LCORL: variants seen among roughly 807,000 people sequenced by gnomAD.
The protein encoded by LCORL is ligand-dependent nuclear receptor corepressor-like protein.
A neutral mutation model predicts 141.8 loss-of-function variants in LCORL; 41 were observed. That is an observed-to-expected ratio of 0.29 (90% CI 0.23 to 0.38). LCORL has a LOEUF of 0.38. LCORL is among the 10% of genes least tolerant of loss of function. The pLI is 1.00. For missense variants in LCORL, 1,759 were observed against 2,035.0 expected (o/e 0.86, Z 2.61); for synonymous variants, 618 against 694.1 (o/e 0.89, Z 1.72).
intron 1 of LCORL, among the ~76,000 whole-genome samples, chr4:17,980,483 C>T (rs1425569095): frequency 2.0e-5 from 3 of 152,134 alleles, no homozygotes; most frequent in Non-Finnish European, 4.4e-5. Context: ...AATTGTGATC[C>T]TCTTGTTTAA....
intron 1 of LCORL, among the ~76,000 whole-genome samples, chr4:17,981,800 G>A (rs1457741068): frequency 6.6e-6 from 1 of 151,922 alleles, no homozygotes; most frequent in African/African-American, 2.4e-5. Flanking sequence ...TGTTACATAG[G>A]CAAACTGATG....
chr4:17,842,114 T>G, exon 8 of LCORL: 1 of 516,466 alleles, frequency 1.9e-6, no homozygotes, highest in Non-Finnish European at 3.5e-6. Context: ...ACAAAATAAA[T>G]TAAGTTTTAA....
chr4:17,898,576 T>C (rs890189524), intron 5 of LCORL, among the ~76,000 whole-genome samples: 1 of 152,014 alleles, frequency 6.6e-6, no homozygotes, highest in Non-Finnish European at 1.5e-5. Flanking sequence ...GCATGTAATA[T>C]ATGTATTTCT....
intron 1 of LCORL, among the ~76,000 whole-genome samples, chr4:18,005,465 C>A (rs1331486598): frequency 6.6e-6 from 1 of 152,210 alleles, no homozygotes; most frequent in Non-Finnish European, 1.5e-5. Context: ...TCTCACAGCA[C>A]CACTAGGCAG....
intron 7 of LCORL, among the ~76,000 whole-genome samples, chr4:17,871,058 T>C (rs1011956107): frequency 5.9e-5 from 9 of 152,100 alleles, no homozygotes; most frequent in Non-Finnish European, 1.3e-4. Flanking sequence ...CAGTCAGTAA[T>C]TTATTCTACA....
intron 4 of LCORL, among the ~76,000 whole-genome samples, chr4:17,958,728 G>A (rs1210296220): frequency 1.3e-5 from 2 of 151,890 alleles, no homozygotes; most frequent in East Asian, 1.9e-4. Flanking sequence ...CTGAGAAACT[G>A]AAAGATATCT....
At chr4:17,998,756 C>A (rs979211034) in intron 1 of LCORL, among the ~76,000 whole-genome samples, 3 of 151,262 alleles carry the variant, frequency 2.0e-5, no homozygotes, top group African/African-American at 4.9e-5. Context: ...CTTGAGCTCA[C>A]GAGTTCAAGA....
At chr4:17,931,840 T>C (rs1736095197) in intron 4 of LCORL, among the ~76,000 whole-genome samples, 1 of 152,176 alleles carries the variant, frequency 6.6e-6, no homozygotes, top group African/African-American at 2.4e-5. Flanking sequence ...CTTTTAGGTC[T>C]TTTATATCCT....
At chr4:17,934,379 C>T (rs1041324450) in intron 4 of LCORL, among the ~76,000 whole-genome samples, 1 of 151,916 alleles carries the variant, frequency 6.6e-6, no homozygotes, top group Non-Finnish European at 1.5e-5. Flanking sequence ...TAGATCTGTT[C>T]TAGTAATTGA....
intron 1 of LCORL, among the ~76,000 whole-genome samples, chr4:18,010,229 A>G (rs566924534): frequency 1.3e-5 from 2 of 148,940 alleles, no homozygotes; most frequent in Admixed American, 6.7e-5. Context: ...TTCTAACCAA[A>G]CATGCATTTT....
intron 4 of LCORL, among the ~76,000 whole-genome samples, chr4:17,950,966 T>C (rs1739630770): frequency 6.6e-6 from 1 of 152,196 alleles, no homozygotes; most frequent in Admixed American, 6.5e-5. Flanking sequence ...TTATTCATTC[T>C]GAGTTTTTTC....
At chr4:17,968,071 C>T (rs773436415) in intron 2 of LCORL, among the ~76,000 whole-genome samples, 3 of 151,858 alleles carry the variant, frequency 2.0e-5, no homozygotes, top group Non-Finnish European at 4.4e-5. Context: ...TTGGCCAGGC[C>T]GGTTTCAAGC....
At chr4:17,959,649 A>C (rs776168693) in intron 4 of LCORL, among the ~76,000 whole-genome samples, 3 of 152,068 alleles carry the variant, frequency 2.0e-5, no homozygotes, top group Non-Finnish European at 4.4e-5. Context: ...GAAAGACAAT[A>C]AATTAGTTAC....
At chr4:17,908,368 A>G (rs1369097972) in intron 5 of LCORL, among the ~76,000 whole-genome samples, 1 of 152,166 alleles carries the variant, frequency 6.6e-6, no homozygotes, top group African/African-American at 2.4e-5. Flanking sequence ...CCAAACTAAC[A>G]TCACTGCCTT....
chr4:18,014,807 C>T (rs1724381911), intron 1 of LCORL, among the ~76,000 whole-genome samples: 1 of 152,052 alleles, frequency 6.6e-6, no homozygotes, highest in Admixed American at 6.6e-5. Flanking sequence ...TGGTCTGGGC[C>T]CCCCATTCAC....
exon 7 of LCORL, chr4:17,876,004 T>C: frequency 2.4e-6 from 3 of 1,231,174 alleles, no homozygotes; most frequent in Non-Finnish European, 3.0e-6. Flanking sequence ...TGATGGGTTG[T>C]AGGTTTTTCA....
intron 1 of LCORL, among the ~76,000 whole-genome samples, chr4:17,998,526 A>G (rs1046218373): frequency 6.6e-6 from 1 of 152,114 alleles, no homozygotes; most frequent in Non-Finnish European, 1.5e-5. Context: ...AGGATCATCA[A>G]TATTACTATC....
rs1721343973 is a variant in LCORL at position 17,998,904 on chromosome 4, G to A, written c.154+22694C>T. 3.5e-5 allele frequency among the ~76,000 whole-genome samples: 5 copies of A among 141,754 alleles called. No homozygotes were observed. The South Asian group carries it at 1.1e-3, about 31-fold the overall frequency. The allele number at this position is 141,754 out of a possible 152,430, so 93.0% of individuals were successfully genotyped here. A position where few individuals can be genotyped will look rare whatever the true frequency, so the allele number is the denominator to read the frequency against. On this transcript the variant is annotated intron_variant, in intron 1 of 7. Transcript: ENST00000635767. ...ACCTGAGACTGACAAGGTCAAGGCT[G>A]CAGTGAGCCATGATCACACCACTGC...
At chr4:17,883,013 G>A (rs1418703690) in intron 6 of LCORL, 2 of 973,588 alleles carry the variant, frequency 2.1e-6, no homozygotes, top group Non-Finnish European at 1.2e-6. Context: ...TATAGCTGCT[G>A]GGGTTAACTA....
Sources: gnomAD v4.1 joint callset for allele counts (sites outside exome capture counted in the v4.1 genomes callset) on GRCh38, gnomAD v4.1.1 for gene constraint, MANE v1.5 for transcripts, NCBI Gene and HGNC (gene_info 2026-07-23, HGNC 2026-07-21) for gene names.